The following CDH13 variants were observed in gnomAD, a reference collection of about 807,000 sequenced individuals.
CDH13 encodes the protein cadherin 13.
Under a neutral mutation model 63.8 loss-of-function variants are expected in CDH13, and 24 were observed. That is an observed-to-expected ratio of 0.38 (90% CI 0.27 to 0.53). The LOEUF is 0.53. CDH13 is among the 20% of genes least tolerant of loss of function. The probability of loss-of-function intolerance (pLI) is 0.85; values close to 1 mark genes in which losing one functional copy is unlikely to be tolerated. For missense variants in CDH13, 1,049 were observed against 903.1 expected, an observed-to-expected ratio of 1.16 and a Z score of -2.07; for synonymous variants, 503 against 355.3, an observed-to-expected ratio of 1.42 and a Z score of -4.67.
intron 10 of CDH13, among the ~76,000 whole-genome samples, chr16:83,735,121 G>A (rs1394724056): frequency 6.6e-6 from 1 of 152,166 alleles, no homozygotes; most frequent in Non-Finnish European, 1.5e-5. Flanking sequence ...TAGTCTCACA[G>A]TGAACACAGA....
At chr16:83,533,414 C>T (rs1326220852) in intron 7 of CDH13, among the ~76,000 whole-genome samples, 1 of 152,070 alleles carries the variant, frequency 6.6e-6, no homozygotes, top group Non-Finnish European at 1.5e-5. Context: ...CTCTTCACCT[C>T]CTCCTCTGTG....
chr16:83,133,146 T>G (rs2036133178), intron 4 of CDH13, among the ~76,000 whole-genome samples: 2 of 152,240 alleles, frequency 1.3e-5, no homozygotes, highest in Non-Finnish European at 2.9e-5. Context: ...AAGTAACACT[T>G]CATTCCATTA....
chr16:82,950,399 C>A (rs1308622099), intron 2 of CDH13, among the ~76,000 whole-genome samples: 1 of 152,020 alleles, frequency 6.6e-6, no homozygotes, highest in Non-Finnish European at 1.5e-5. Flanking sequence ...TTGTAGCTCC[C>A]ATAATTCCCA....
intron 6 of CDH13, among the ~76,000 whole-genome samples, chr16:83,447,874 A>G (rs2072758517): frequency 6.6e-6 from 1 of 151,938 alleles, no homozygotes; most frequent in Non-Finnish European, 1.5e-5. Flanking sequence ...AGAAGCTCCC[A>G]CATCAAGTAG....
chr16:83,379,466 T>C (rs2151414192), intron 6 of CDH13, among the ~76,000 whole-genome samples: 1 of 152,332 alleles, frequency 6.6e-6, no homozygotes, highest in Non-Finnish European at 1.5e-5. Flanking sequence ...ATGTTTACCT[T>C]TGCCTAAAAG....
intron 2 of CDH13, among the ~76,000 whole-genome samples, chr16:83,000,363 C>G (rs1404183907): frequency 2.7e-5 from 4 of 146,992 alleles, no homozygotes; most frequent in Admixed American, 6.9e-5. Flanking sequence ...ATTGTCTTGC[C>G]TCAGCCTCGC....
intron 5 of CDH13, among the ~76,000 whole-genome samples, chr16:83,274,481 AG>A (rs1274748705): frequency 6.6e-6 from 1 of 152,164 alleles, no homozygotes; most frequent in Admixed American, 6.5e-5. Context: ...GCCTCCTGAA[AG>A]CACTTACCAC....
intron 1 of CDH13, among the ~76,000 whole-genome samples, chr16:82,751,901 C>T (rs2034433117): frequency 6.6e-6 from 1 of 152,140 alleles, no homozygotes; most frequent in African/African-American, 2.4e-5. Context: ...GTACAGAAAG[C>T]AGCCTGATGT....
chr16:83,657,452 C>T (rs903863467), intron 8 of CDH13, among the ~76,000 whole-genome samples: 1 of 152,180 alleles, frequency 6.6e-6, no homozygotes, highest in Non-Finnish European at 1.5e-5. Context: ...TTCCTAGTTC[C>T]TCTTTGACCC....
chr16:83,009,443 T>C (rs1913890647), intron 2 of CDH13, among the ~76,000 whole-genome samples: 1 of 152,226 alleles, frequency 6.6e-6, no homozygotes, highest in Admixed American at 6.5e-5. Flanking sequence ...TTCTATGTAA[T>C]GGATGCTTTA....
At chr16:83,073,350 T>TGAGA (rs1399593423) in intron 3 of CDH13, among the ~76,000 whole-genome samples, 7 of 126,686 alleles carry the variant, frequency 5.5e-5, no homozygotes, top group African/African-American at 2.3e-4. Flanking sequence ...TGTGTGTGTG[T>TGAGA]GTGTGAGAGA....
intron 10 of CDH13, among the ~76,000 whole-genome samples, chr16:83,694,795 G>A (rs1173048205): frequency 6.6e-6 from 1 of 152,184 alleles, no homozygotes; most frequent in Non-Finnish European, 1.5e-5. Flanking sequence ...ACCTCCCTTT[G>A]GGCTGGACTA....
chr16:83,554,688 C>T (rs1476031963), intron 7 of CDH13, among the ~76,000 whole-genome samples: 1 of 150,804 alleles, frequency 6.6e-6, no homozygotes, highest in Non-Finnish European at 1.5e-5. Context: ...CACACACACG[C>T]ACACACACAA....
At chr16:83,535,209 G>A (rs1448049551) in intron 7 of CDH13, among the ~76,000 whole-genome samples, 2 of 152,262 alleles carry the variant, frequency 1.3e-5, no homozygotes, top group East Asian at 1.9e-4. Context: ...CCTGGGGCAA[G>A]AGGCAGCCTG....
intron 3 of CDH13, among the ~76,000 whole-genome samples, chr16:83,057,053 G>A (rs758478153): frequency 6.6e-6 from 1 of 152,100 alleles, no homozygotes; most frequent in Non-Finnish European, 1.5e-5. Context: ...TGCAACCTCT[G>A]ACTCCCTGGT....
intron 7 of CDH13, among the ~76,000 whole-genome samples, chr16:83,514,818 T>C (rs4329908): frequency 1 from 152,143 of 152,250 alleles, 76,018 homozygotes; most frequent in Non-Finnish European, 1. Flanking sequence ...AGATGTTCCC[T>C]CAGAACTTCC....
At chr16:83,451,450 A>C (rs904745432) in intron 6 of CDH13, among the ~76,000 whole-genome samples, 1 of 152,162 alleles carries the variant, frequency 6.6e-6, no homozygotes, top group Admixed American at 6.6e-5. Context: ...ACCTGTGGCA[A>C]TTGTGGGAGC....
intron 3 of CDH13, among the ~76,000 whole-genome samples, chr16:83,121,484 C>T (rs1274585477): frequency 1.3e-5 from 2 of 152,196 alleles, no homozygotes; most frequent in Non-Finnish European, 2.9e-5. Flanking sequence ...CATTGGCCAG[C>T]ATACGCTTGC....
chr16:82,869,621 G>C (rs1450859606), intron 2 of CDH13, among the ~76,000 whole-genome samples: 1 of 152,126 alleles, frequency 6.6e-6, no homozygotes, highest in Non-Finnish European at 1.5e-5. Context: ...GTGTGATACT[G>C]GCATAAAAAC....
Sources: allele counts gnomAD v4.1 joint callset (sites outside exome capture counted in the v4.1 genomes callset), GRCh38; gene constraint gnomAD v4.1.1; transcripts MANE v1.5; gene names NCBI Gene and HGNC (gene_info 2026-07-23, HGNC 2026-07-21).